The following SPG7 variants were observed in gnomAD, a reference collection of about 807,000 sequenced individuals.
SPG7 encodes the protein mitochondrial inner membrane m-AAA protease component paraplegin.
Under a neutral mutation model 81.9 loss-of-function variants are expected in SPG7, and 103 were observed. The observed-to-expected ratio is 1.26, with a 90% CI of 1.07 to 1.48. The LOEUF (loss-of-function observed/expected upper bound fraction) is 1.48, where lower values mean the gene tolerates loss of function less well. Ranked by LOEUF, SPG7 falls within the 40% of genes most tolerant of loss-of-function variation. SPG7 has a pLI of 0.00. For synonymous variants in SPG7, 534 were observed against 444.2 expected, an observed-to-expected ratio of 1.20 and a Z score of -2.54; for missense variants, 1,241 against 1,087.3, an observed-to-expected ratio of 1.14 and a Z score of -1.99.
intron 9 of SPG7, chr16:89,533,685 C>A (rs767004830): frequency 6.6e-6 from 1 of 152,098 alleles, no homozygotes; most frequent in Non-Finnish European, 1.5e-5. Flanking sequence ...AGGGAGACAC[C>A]CCATTTGTTG....
Position 89,508,413 on chromosome 16 carries a change from C to T in SPG7, c.-5C>T, listed in dbSNP as rs1001701410. ...GGATCACGCAGGCGCGGCTTTCAGG[C>T]CAACATGGCCGTGCTGCTGCTGCTG... On this transcript the variant is annotated 5_prime_UTR_variant, in exon 1 of 17. Coordinates refer to ENST00000645818, the MANE Select transcript of SPG7 (RefSeq NM_003119.4). The T allele has an allele frequency of 6.7e-7, 1 of 1,482,604 alleles. No homozygotes were observed. The highest frequency in any genetic ancestry group is 8.9e-7 in the Non-Finnish European group (1 of 1,123,104). 91.8% of individuals were successfully genotyped at this position (1,482,604 alleles called of 1,614,324 possible).
intron 5 of SPG7, 25 bp downstream of exon 5, chr16:89,526,493 C>A: frequency 6.2e-7 from 1 of 1,613,776 alleles, no homozygotes; most frequent in Middle Eastern, 1.6e-4. Context: ...TTTGTTGATG[C>A]TTGAACTAAA....
intron 9 of SPG7, chr16:89,540,764 T>A (rs1367406159): frequency 2.6e-6 from 1 of 383,254 alleles, no homozygotes; most frequent in East Asian, 1.6e-4. Flanking sequence ...CGTGTCCACA[T>A]GCGCTCACCA....
At chr16:89,551,145 C>A (rs756381036) in intron 13 of SPG7, 3 of 193,206 alleles carry the variant, frequency 1.6e-5, no homozygotes, top group Non-Finnish European at 3.3e-5. Flanking sequence ...GGTGATGTTA[C>A]AGCTTCTCTA....
intron 5 of SPG7, 106 bp from the exon 6 acceptor site, chr16:89,529,371 C>G: frequency 1.3e-6 from 1 of 760,726 alleles, no homozygotes; most frequent in Non-Finnish European, 2.3e-6. Context: ...CGTAGGGATT[C>G]CTCGTCTCAT....
chr16:89,553,116 C>T lies in SPG7; in HGVS notation c.1917C>T (p.Ser639=), dbSNP rs1459605717. 1.9e-6 allele frequency: 3 copies of T among 1,610,336 alleles called. No homozygotes were observed. The highest frequency in any genetic ancestry group is 1.3e-5 in the African/African-American group (1 of 74,944). ...GAGGACGGGCCTCGGAAGCACTGTCCTTCAACGAGGTCACTTCTGGTGAGG... is the reference window on the plus strand; with the variant it reads ...GAGGACGGGCCTCGGAAGCACTGTCTTTCAACGAGGTCACTTCTGGTGAGG... ...ALGGRASEAL[S]FNEVTSGAQD... Residue 639 remains serine (S), a synonymous_variant, in exon 14 of 17, where the codon TCC becomes TCT. Coordinates refer to ENST00000645818, the MANE Select transcript of SPG7 (RefSeq NM_003119.4).
intron 3 of SPG7, among the ~76,000 whole-genome samples, chr16:89,513,295 G>C (rs2058046909): frequency 6.6e-6 from 1 of 152,012 alleles, no homozygotes; most frequent in South Asian, 2.1e-4. Flanking sequence ...AGCACTTTGG[G>C]AGGCTGAGGC....
intron 3 of SPG7, among the ~76,000 whole-genome samples, chr16:89,516,605 C>G (rs2058100000): frequency 6.6e-6 from 1 of 151,418 alleles, no homozygotes; most frequent in Admixed American, 6.6e-5. Flanking sequence ...TCATGCCTGT[C>G]ATCCCAGCAC....
chr16:89,536,557 T>G (rs2058424018), intron 9 of SPG7, among the ~76,000 whole-genome samples: 1 of 114,564 alleles, frequency 8.7e-6, no homozygotes, highest in Non-Finnish European at 1.8e-5. Flanking sequence ...GCAGGTGAGG[T>G]GAGGCGGGTG....
intron 13 of SPG7, chr16:89,551,307 T>A (rs2058632178): frequency 6.1e-6 from 1 of 162,846 alleles, no homozygotes; most frequent in African/African-American, 2.4e-5. Context: ...ACCTCAGGGT[T>A]CACTGCAAAC....
rs746668495 is a variant in SPG7 at position 89,532,547 on chromosome 16, C to T, written c.1235C>T (p.Ala412Val). 26 of 1,613,652 alleles carry T rather than the reference C, an allele frequency of 1.6e-5. No individual in the cohort carries two copies. Among genetic ancestry groups the T allele is most frequent in the East Asian group, 2.2e-5 (1 of 44,896 alleles). The change falls in exon 9 of 17, where the codon GCG (alanine) becomes GTG (valine). Residue 412 changes from alanine to valine, a missense_variant. Ala to Val is a moderately conservative substitution (Grantham distance 64). Transcript: ENST00000645818. ...PCIVYIDEID[A>V]VGKKRSTTMS... ...ATCGTCTACATCGATGAGATCGACG[C>T]GGTGGGCAAGAAGCGCTCCACCACC...
chr16:89,554,960 G>T, intron 16 of SPG7: 1 of 239,272 alleles, frequency 4.2e-6, no homozygotes. Context: ...CTGTCACCCA[G>T]GCTGGAGTGC....
rs537702773 is a variant in SPG7, at chr16:89,550,697, C to T, written c.1779+88C>T. The T allele has an allele frequency of 1.3e-4, 112 of 861,408 alleles. No homozygotes were observed. The African/African-American group carries it at 1.5e-3, about 12-fold the overall frequency. 53.4% of individuals were successfully genotyped at this position (861,408 alleles called of 1,614,324 possible). A position where few individuals can be genotyped will look rare whatever the true frequency, so the allele number is the denominator to read the frequency against. ...GTGTCTGTAGCTGACTGGGGAGTCC[C>T]GCCTGTGTCTGTAGCTGACTGGGGA... On this transcript the variant is annotated intron_variant, in intron 13 of 16. Transcript: ENST00000645818.
chr16:89,532,814 T>A, intron 9 of SPG7, 178 bp downstream of exon 9: 1 of 747,020 alleles, frequency 1.3e-6, no homozygotes, highest in Non-Finnish European at 2.2e-6. Flanking sequence ...CCCGGCGCAG[T>A]GGCTCACGCC....
At chr16:89,523,580 G>A in intron 3 of SPG7, 2 of 404,666 alleles carry the variant, frequency 4.9e-6, no homozygotes, top group Non-Finnish European at 9.9e-6. Flanking sequence ...CGGACGGCCT[G>A]GGACGGTCGT....
rs1255747140 is a variant in SPG7, at chr16:89,526,469, G to T, written c.758+1G>T. 1 of 1,614,134 alleles carries T rather than the reference G, an allele frequency of 6.2e-7. No homozygotes were observed. On this transcript the variant is annotated splice_donor_variant, in intron 5 of 16. Coordinates refer to ENST00000645818, the MANE Select transcript of SPG7 (RefSeq NM_003119.4). LOFTEE classifies it high-confidence loss of function. Reference sequence around the variant, plus strand: ...ACAAGCGAACAGGATTCTTTGGAAAGTATGTTGGATGTATTTGTTGATGCT... The same window carrying T: ...ACAAGCGAACAGGATTCTTTGGAAATTATGTTGGATGTATTTGTTGATGCT...
intron 9 of SPG7, among the ~76,000 whole-genome samples, chr16:89,535,582 G>A (rs36097004): frequency 0.13 from 19,917 of 152,168 alleles, 1,669 homozygotes; most frequent in Middle Eastern, 0.2. Context: ...CATGGGAGTC[G>A]AGTTTTCAGA....
intron 3 of SPG7, 139 bp downstream of exon 3, chr16:89,513,176 G>C (rs1001678544): frequency 3.3e-6 from 4 of 1,224,888 alleles, no homozygotes; most frequent in Non-Finnish European, 4.6e-6. Context: ...TAATCGAAAC[G>C]CTTTGGGAGG....
chr16:89,509,484 T>A (rs1163370918), intron 1 of SPG7, among the ~76,000 whole-genome samples: 35 of 152,176 alleles, frequency 2.3e-4, no homozygotes, highest in African/African-American at 8.4e-4. Flanking sequence ...CTCTTGACCT[T>A]GTGATCCGCC....
Sources: gnomAD v4.1 joint callset for allele counts (sites outside exome capture counted in the v4.1 genomes callset) on GRCh38, gnomAD v4.1.1 for gene constraint, MANE v1.5 for transcripts, NCBI Gene and HGNC (gene_info 2026-07-23, HGNC 2026-07-21) for gene names.